EIPR1: variants seen among roughly 807,000 people sequenced by gnomAD.
EIPR1 encodes EARP complex and GARP complex interacting protein 1.
EIPR1 carries 25 observed loss-of-function variants against 48.1 expected under a neutral mutation model. The observed-to-expected ratio is 0.52, with a 90% confidence interval of 0.38 to 0.73. EIPR1 has a LOEUF of 0.73. Ranked by LOEUF, EIPR1 falls within the 30% of genes least tolerant of loss-of-function variation. The probability of loss-of-function intolerance (pLI) is 0.00; values close to 1 mark genes in which losing one functional copy is unlikely to be tolerated. For missense variants in EIPR1, 415 were observed against 506.2 expected, an observed-to-expected ratio of 0.82 and a Z score of 1.73; for synonymous variants, 204 against 201.9, an observed-to-expected ratio of 1.01 and a Z score of -0.09.
In EIPR1 at chr2:3,377,551, G is replaced by A. The variant is rs936828751; in HGVS notation, c.42+97C>T. ...TAGGGAACAGACACGGGTCCTTGCA[G>A]GGCTGGTGGGAGATCTGCAAACCGA... On this transcript the variant is annotated intron_variant, in intron 1 of 8. Coordinates refer to ENST00000382125, the MANE Select transcript of EIPR1 (RefSeq NM_003310.5). The A allele has an allele frequency of 1.5e-5, 22 of 1,463,382 alleles. No homozygotes were observed. In the African/African-American group the frequency reaches 3.1e-4, roughly 21 times the overall value. 90.6% of individuals were successfully genotyped at this position (1,463,382 alleles called of 1,614,324 possible).
chr2:3,297,784 C>A (rs1273058725), intron 3 of EIPR1, among the ~76,000 whole-genome samples: 3 of 152,172 alleles, frequency 2.0e-5, no homozygotes, highest in African/African-American at 7.2e-5. Context: ...GGTTTCCTGG[C>A]CCCTCTCCTA....
rs115944810 is a variant in EIPR1, at chr2:3,256,170, G to A, written c.416+1129C>T. On this transcript the variant is annotated intron_variant, in intron 4 of 8. Transcript: ENST00000382125. Reference sequence around the variant, plus strand: ...ACAAACTGATACACAGAGAGCATCCGGAGCCACAGACTGCCTGACCCTCAG... The same window carrying A: ...ACAAACTGATACACAGAGAGCATCCAGAGCCACAGACTGCCTGACCCTCAG... 7.2e-3 allele frequency among the ~76,000 whole-genome samples: 1,094 copies of A among 152,292 alleles called. 14 individuals carry two copies. The highest frequency in any genetic ancestry group is 0.025 in the African/African-American group (1,055 of 41,540).
intron 4 of EIPR1, among the ~76,000 whole-genome samples, chr2:3,253,425 C>A (rs945760874): frequency 6.6e-6 from 1 of 152,210 alleles, no homozygotes; most frequent in Non-Finnish European, 1.5e-5. Context: ...CAGAATAAAT[C>A]TCTTCAAATA....
At chr2:3,336,823 A>AAAGGG (rs1017842085) in intron 3 of EIPR1, among the ~76,000 whole-genome samples, 1 of 149,974 alleles carries the variant, frequency 6.7e-6, no homozygotes, top group Non-Finnish European at 1.5e-5. Context: ...AAAGAAAAGA[A>AAAGGG]AAGGGAAGGG....
At chr2:3,196,290 T>C (rs1664804925) in intron 6 of EIPR1, among the ~76,000 whole-genome samples, 1 of 152,246 alleles carries the variant, frequency 6.6e-6, no homozygotes. Context: ...GGATAAACTG[T>C]ATCTTAAAAA....
intron 5 of EIPR1, 124 bp from the exon 6 acceptor site, chr2:3,197,141 T>C: frequency 8.9e-7 from 1 of 1,128,730 alleles, no homozygotes. Flanking sequence ...TGAGGATAAT[T>C]AGGAAGCTCT....
chr2:3,217,694 T>A (rs1665684871), intron 4 of EIPR1, among the ~76,000 whole-genome samples: 1 of 152,114 alleles, frequency 6.6e-6, no homozygotes, highest in Non-Finnish European at 1.5e-5. Context: ...CAGACACCAG[T>A]ACCACGGGTC....
In EIPR1 at chr2:3,194,160, G is replaced by T; in HGVS notation, c.660C>A (p.Ile220=). ...GTCCGTGGGCATTCTCTATGCAGTA[G>T]ATCTGGCTGAGGGAGAAGGAAGAAC... ...RGWDTRSMSQ[I]YCIENAHGQL... The change falls in exon 7 of 9, where the codon ATC becomes ATA. Residue 220 remains isoleucine, a synonymous_variant. Coordinates refer to ENST00000382125, the MANE Select transcript of EIPR1 (RefSeq NM_003310.5). The T allele has an allele frequency of 2.5e-6, 4 of 1,613,658 alleles. No individual in the cohort carries two copies. Among genetic ancestry groups the T allele is most frequent in the Non-Finnish European group, 3.4e-6 (4 of 1,179,872 alleles).
chr2:3,281,422 G>A (rs144523074), intron 3 of EIPR1, among the ~76,000 whole-genome samples: 76 of 152,174 alleles, frequency 5.0e-4, no homozygotes, highest in African/African-American at 1.7e-3. Context: ...GGGATTAGGC[G>A]CCTGGGAATA....
chr2:3,299,653 C>CACACACACAA (rs1668710319), intron 3 of EIPR1, among the ~76,000 whole-genome samples: 1 of 151,834 alleles, frequency 6.6e-6, no homozygotes, highest in African/African-American at 2.4e-5. Context: ...CACACACACA[C>CACACACACAA]ACACACTTTG....
At chr2:3,306,647 T>C (rs1668953120) in intron 3 of EIPR1, among the ~76,000 whole-genome samples, 1 of 152,240 alleles carries the variant, frequency 6.6e-6, no homozygotes, top group African/African-American at 2.4e-5. Flanking sequence ...AAAACATTTT[T>C]AGGAAGATCA....
At chr2:3,347,476 G>A (rs556549348) in intron 2 of EIPR1, among the ~76,000 whole-genome samples, 13 of 152,292 alleles carry the variant, frequency 8.5e-5, no homozygotes, top group South Asian at 2.1e-4. Context: ...CGCCATCCAC[G>A]TAAGATGTGA....
Position 3,196,910 on chromosome 2 carries a change from G to T in EIPR1, c.624C>A (p.Thr208=), listed in dbSNP as rs762918317. 6.2e-7 allele frequency: 1 copy of T among 1,613,884 alleles called. No homozygotes were observed. Among genetic ancestry groups the T allele is most frequent in the South Asian group, 1.1e-5 (1 of 91,062 alleles). ...TGCTCCGGGTGTCCCAGCCACGGAG[G>T]GTGGTGTCGTTCGCTGTGGCCACCT... is the stretch of plus-strand genomic sequence containing the variant. ...CTQVATANDT[T]LRGWDTRSMS... is the part of the protein sequence containing the mutation. The change falls in exon 6 of 9, where the codon ACC becomes ACA. Residue 208 remains threonine, a synonymous_variant. Coordinates refer to ENST00000382125, the MANE Select transcript of EIPR1 (RefSeq NM_003310.5).
intron 3 of EIPR1, among the ~76,000 whole-genome samples, chr2:3,266,109 C>G (rs886420784): frequency 6.6e-6 from 1 of 152,184 alleles, no homozygotes; most frequent in Non-Finnish European, 1.5e-5. Context: ...GAAGGGATTA[C>G]CAGGCAAAAG....
At chr2:3,231,729 T>C (rs1027510008) in intron 4 of EIPR1, among the ~76,000 whole-genome samples, 2 of 152,194 alleles carry the variant, frequency 1.3e-5, no homozygotes, top group Non-Finnish European at 2.9e-5. Flanking sequence ...GCTGCTGTAT[T>C]TGGTTTACTA....
Position 3,331,108 on chromosome 2 carries a change from C to T in EIPR1, c.259+6909G>A, listed in dbSNP as rs957336062. Among the ~76,000 whole-genome samples, 937 of 122,692 alleles carry T rather than the reference C, an allele frequency of 7.6e-3. 80 individuals carry two copies. The highest frequency in any genetic ancestry group is 0.016 in the East Asian group (51 of 3,288). The allele number at this position is 122,692 out of a possible 152,430, so 80.5% of individuals were successfully genotyped here. ...GAGATGGTGTGAGCAGAGGCAGGCA[C>T]ACACTCCTGAGGTGGTGTGAGCAGA... is the stretch of plus-strand genomic sequence containing the variant. On this transcript the variant is annotated intron_variant, in intron 3 of 8. Transcript: ENST00000382125.
At chr2:3,280,444 G>T (rs537890526) in intron 3 of EIPR1, among the ~76,000 whole-genome samples, 1 of 152,146 alleles carries the variant, frequency 6.6e-6, no homozygotes, top group Non-Finnish European at 1.5e-5. Context: ...AGGATGGGCC[G>T]CGGGTGAGTG....
At chr2:3,295,932 CCTTG>C (rs1449597374) in intron 3 of EIPR1, among the ~76,000 whole-genome samples, 3 of 124,214 alleles carry the variant, frequency 2.4e-5, no homozygotes. Context: ...CCCATCCTCT[CCTTG>C]CACACACACA....
chr2:3,227,297 G>C (rs534042048), intron 4 of EIPR1, among the ~76,000 whole-genome samples: 1 of 152,304 alleles, frequency 6.6e-6, no homozygotes, highest in South Asian at 2.1e-4. Context: ...CACTGATATG[G>C]ACAATAAAGT....
Sources: allele counts gnomAD v4.1 joint callset (sites outside exome capture counted in the v4.1 genomes callset), GRCh38; gene constraint gnomAD v4.1.1; transcripts MANE v1.5; gene names NCBI Gene and HGNC (gene_info 2026-07-23, HGNC 2026-07-21).